The following PAFAH2 variants were observed in gnomAD, a reference collection of about 807,000 sequenced individuals.
The protein encoded by PAFAH2 is platelet activating factor acetylhydrolase 2.
Under a neutral mutation model 49.0 loss-of-function variants are expected in PAFAH2, and 42 were observed. That is an observed-to-expected ratio of 0.86 (90% CI 0.67 to 1.11). The LOEUF (loss-of-function observed/expected upper bound fraction) is 1.11. PAFAH2 is among the 50% of genes least tolerant of loss of function. PAFAH2 has a pLI of 0.00. For synonymous variants in PAFAH2, 184 were observed against 181.3 expected (o/e 1.01, Z -0.12); for missense variants, 503 against 501.8 (o/e 1.00, Z -0.02).
intron 10 of PAFAH2, among the ~76,000 whole-genome samples, chr1:25,967,232 G>A (rs2049440458): frequency 6.6e-6 from 1 of 152,080 alleles, no homozygotes; most frequent in Non-Finnish European, 1.5e-5. Flanking sequence ...TGGGTAGGAG[G>A]CATGAGAGAA....
intron 4 of PAFAH2, among the ~76,000 whole-genome samples, chr1:25,985,964 T>C (rs1275523562): frequency 6.6e-6 from 1 of 152,266 alleles, no homozygotes; most frequent in Non-Finnish European, 1.5e-5. Flanking sequence ...GCACAGCCCT[T>C]GTATTCATTC....
chr1:25,968,264 T>C (rs1351730184), intron 10 of PAFAH2, among the ~76,000 whole-genome samples: 1 of 151,758 alleles, frequency 6.6e-6, no homozygotes, highest in Admixed American at 6.6e-5. Flanking sequence ...TGTTGGGGGG[T>C]TGGCCTTAAT....
At chr1:25,963,979 T>C (rs997751988) in intron 10 of PAFAH2, among the ~76,000 whole-genome samples, 5 of 152,014 alleles carry the variant, frequency 3.3e-5, no homozygotes, top group Non-Finnish European at 7.4e-5. Flanking sequence ...TCGAGGCTCA[T>C]GTGGTGAGAG....
At chr1:25,976,308 T>G (rs1406522154) in intron 8 of PAFAH2, among the ~76,000 whole-genome samples, 1 of 152,040 alleles carries the variant, frequency 6.6e-6, no homozygotes, top group Non-Finnish European at 1.5e-5. Context: ...TTGGCTGTTT[T>G]GTTTTTTTCA....
intron 7 of PAFAH2, among the ~76,000 whole-genome samples, chr1:25,977,438 C>T (rs72664046): frequency 0.54 from 81,310 of 150,726 alleles, 24,879 homozygotes; most frequent in East Asian, 0.7. Context: ...ATTGCTTGAG[C>T]TTAGGAGTTT....
At chr1:25,995,915 G>GT (rs771500615) in intron 1 of PAFAH2, among the ~76,000 whole-genome samples, 2 of 152,050 alleles carry the variant, frequency 1.3e-5, no homozygotes, top group Non-Finnish European at 2.9e-5. Flanking sequence ...TTTAATCTTT[G>GT]TTTTTGATCT....
At chr1:25,989,050 T>C (rs960380306) in intron 3 of PAFAH2, among the ~76,000 whole-genome samples, 3 of 151,992 alleles carry the variant, frequency 2.0e-5, no homozygotes, top group Admixed American at 6.6e-5. Flanking sequence ...ATACACACAA[T>C]AGCTGGCACA....
intron 10 of PAFAH2, chr1:25,964,387 T>C (rs2049389211): frequency 6.6e-6 from 1 of 152,150 alleles, no homozygotes; most frequent in Admixed American, 6.6e-5. Flanking sequence ...AGTTTCAGGA[T>C]ACAAAGTTGG....
chr1:25,976,410 G>A (rs1396181973), intron 8 of PAFAH2, among the ~76,000 whole-genome samples: 6 of 152,010 alleles, frequency 3.9e-5, no homozygotes, highest in East Asian at 3.9e-4. Flanking sequence ...CTCCCAAATC[G>A]CTGGGGTTAC....
At chr1:25,983,206 C>T (rs956330057) in intron 6 of PAFAH2, among the ~76,000 whole-genome samples, 8 of 151,876 alleles carry the variant, frequency 5.3e-5, no homozygotes, top group African/African-American at 1.9e-4. Flanking sequence ...GCCTGGGCAA[C>T]ATAGCAAGAC....
rs1353732058 is a variant in PAFAH2, at chr1:25,961,455, G to C, written c.*534C>G. Reference sequence around the variant, plus strand: ...CAATGAGAAGACTTGGAAATAAATAGAAAATGTGATCACGGCTCACACCTA... The same window carrying C: ...CAATGAGAAGACTTGGAAATAAATACAAAATGTGATCACGGCTCACACCTA... On this transcript the variant is annotated 3_prime_UTR_variant, in exon 11 of 11. Transcript: ENST00000374282. 2 of 152,492 alleles carry C rather than the reference G, an allele frequency of 1.3e-5. No individual in the cohort carries two copies. The highest frequency in any genetic ancestry group is 2.9e-5 in the Non-Finnish European group (2 of 68,282). The allele number at this position is 152,492 out of a possible 1,614,324, so 9.4% of individuals were successfully genotyped here. A position where few individuals can be genotyped will look rare whatever the true frequency, so the allele number is the denominator to read the frequency against.
At chr1:25,986,374 G>C (rs1042054531) in intron 4 of PAFAH2, among the ~76,000 whole-genome samples, 2 of 152,210 alleles carry the variant, frequency 1.3e-5, no homozygotes, top group African/African-American at 4.8e-5. Context: ...GACAGCGAGG[G>C]AGGAAATAAC....
At chr1:25,965,983 G>A (rs2992062) in intron 10 of PAFAH2, among the ~76,000 whole-genome samples, 4 of 147,926 alleles carry the variant, frequency 2.7e-5, no homozygotes, top group Non-Finnish European at 6.0e-5. Context: ...TTTTTCAAAA[G>A]AAGACATACA....
chr1:25,986,410 AG>A (rs1224676648), intron 4 of PAFAH2, among the ~76,000 whole-genome samples: 1 of 152,306 alleles, frequency 6.6e-6, no homozygotes, highest in East Asian at 1.9e-4. Context: ...AAGTGAAAGA[AG>A]GCCATTTTGT....
intron 10 of PAFAH2, among the ~76,000 whole-genome samples, chr1:25,963,891 G>A (rs985480434): frequency 3.3e-5 from 5 of 152,144 alleles, no homozygotes; most frequent in African/African-American, 7.2e-5. Flanking sequence ...AGTGTGCCAC[G>A]AGACTATCTG....
At chr1:25,992,496 A>G (rs995991610) in intron 1 of PAFAH2, among the ~76,000 whole-genome samples, 2 of 152,164 alleles carry the variant, frequency 1.3e-5, no homozygotes, top group Non-Finnish European at 2.9e-5. Flanking sequence ...CAGTTTCATC[A>G]TCTCCAACAC....
rs779769461 is a variant in PAFAH2 at position 25,983,992 on chromosome 1, C to A, written c.506G>T (p.Arg169Leu). 1.9e-6 allele frequency: 3 copies of A among 1,614,044 alleles called. No homozygotes were observed. Among genetic ancestry groups the A allele is most frequent in the Non-Finnish European group, 2.5e-6 (3 of 1,180,022 alleles). ...ESLQEEWIPF[R>L]RVEEGEKEFH... ...TTCCTTCTCCCCTTCCTCAACTCGA[C>A]GGAAAGGGATCCATTCCTCCTGCAG... Residue 169 changes from arginine (R) to leucine (L), a missense_variant, in exon 6 of 11, where the codon CGT becomes CTT. Arg to Leu is a moderately radical substitution (Grantham distance 102). Coordinates refer to ENST00000374282, the MANE Select transcript of PAFAH2 (RefSeq NM_000437.4).
At chr1:25,977,496 A>C (rs2049613173) in intron 7 of PAFAH2, among the ~76,000 whole-genome samples, 1 of 151,540 alleles carries the variant, frequency 6.6e-6, no homozygotes, top group South Asian at 2.1e-4. Flanking sequence ...TTTACAAAAA[A>C]GTACAAAAAT....
chr1:25,984,159 TC>T (rs1430295178), intron 5 of PAFAH2, 72 bp from the exon 6 acceptor site: 26 of 1,570,518 alleles, frequency 1.7e-5, no homozygotes, highest in Non-Finnish European at 2.3e-5. Context: ...TACCAAAGCC[TC>T]CCTTTCATCC....
Sources: gnomAD v4.1 joint callset for allele counts (sites outside exome capture counted in the v4.1 genomes callset) on GRCh38, gnomAD v4.1.1 for gene constraint, MANE v1.5 for transcripts, NCBI Gene and HGNC (gene_info 2026-07-23, HGNC 2026-07-21) for gene names.